Variants in MRC1 observed in about 807,000 individuals in gnomAD.
MRC1 encodes mannose receptor C-type 1, also known as macrophage mannose receptor 1.
Under a neutral mutation model 102.9 loss-of-function variants are expected in MRC1, and 62 were observed. That is an observed-to-expected ratio of 0.60 (90% CI 0.49 to 0.74). The LOEUF (loss-of-function observed/expected upper bound fraction) is 0.74. Ranked by LOEUF, MRC1 falls within the 30% of genes least tolerant of loss-of-function variation. The pLI is 0.00. For missense variants in MRC1, 1,237 were observed against 862.8 expected (o/e 1.43, Z -5.43); for synonymous variants, 457 against 298.4 (o/e 1.53, Z -5.48).
At chr10:17,887,910 C>T (rs1485552010) in intron 22 of MRC1, among the ~76,000 whole-genome samples, 5 of 152,188 alleles carry the variant, frequency 3.3e-5, no homozygotes, top group Admixed American at 1.3e-4. Flanking sequence ...TCACGTGATT[C>T]TCCTGCCCCA....
chr10:17,904,206 C>G (rs1327439819), intron 26 of MRC1, among the ~76,000 whole-genome samples: 1 of 151,874 alleles, frequency 6.6e-6, no homozygotes, highest in Non-Finnish European at 1.5e-5. Flanking sequence ...TTATATTTAC[C>G]CTTGTAGTTT....
intron 26 of MRC1, among the ~76,000 whole-genome samples, chr10:17,903,942 C>T (rs1223490609): frequency 3.3e-5 from 5 of 150,808 alleles, no homozygotes; most frequent in South Asian, 2.1e-4. Context: ...GGCAACAGAG[C>T]GAGACTTCAT....
At chr10:17,820,193 G>T (rs1589163996) in intron 1 of MRC1, among the ~76,000 whole-genome samples, 1 of 152,074 alleles carries the variant, frequency 6.6e-6, no homozygotes, top group East Asian at 1.9e-4. Context: ...AAATATCTGG[G>T]TGCCAAGACC....
chr10:17,910,192 A>G (rs974911881), intron 29 of MRC1, 23 bp from the exon 30 acceptor site: 23 of 780,446 alleles, frequency 2.9e-5, no homozygotes, highest in Non-Finnish European at 5.0e-5. Context: ...CACGTTTTCC[A>G]TAATGATTTT....
chr10:17,868,124 A>G (rs1002969712), intron 12 of MRC1, among the ~76,000 whole-genome samples: 2 of 152,140 alleles, frequency 1.3e-5, no homozygotes, highest in Non-Finnish European at 2.9e-5. Flanking sequence ...GGTCTTTTAC[A>G]CTCTCTCTTT....
intron 1 of MRC1, among the ~76,000 whole-genome samples, chr10:17,817,605 A>G (rs1197418318): frequency 1.3e-5 from 2 of 152,206 alleles, no homozygotes. Flanking sequence ...AGATCAAGTT[A>G]GGATGGAAGG....
At chr10:17,875,497 T>G (rs2130683123) in intron 17 of MRC1, among the ~76,000 whole-genome samples, 1 of 152,352 alleles carries the variant, frequency 6.6e-6, no homozygotes, top group East Asian at 1.9e-4. Flanking sequence ...CTTCCACTTA[T>G]GAGTGAGAAC....
At chr10:17,839,174 A>T (rs1429376786) in intron 4 of MRC1, among the ~76,000 whole-genome samples, 1 of 152,212 alleles carries the variant, frequency 6.6e-6, no homozygotes, top group Non-Finnish European at 1.5e-5. Context: ...AGACAAGTTT[A>T]TAAGTACTTA....
intron 2 of MRC1, among the ~76,000 whole-genome samples, chr10:17,825,213 T>A (rs965092306): frequency 6.6e-6 from 1 of 152,106 alleles, no homozygotes; most frequent in African/African-American, 2.4e-5. Flanking sequence ...GTATCTCTGA[T>A]GAGAACATGG....
At chr10:17,903,388 T>TTTTTC in intron 26 of MRC1, among the ~76,000 whole-genome samples, 1 of 142,086 alleles carries the variant, frequency 7.0e-6, no homozygotes, top group South Asian at 2.2e-4. Flanking sequence ...TTTTCTTTTT[T>TTTTTC]TTTCTTTTTT....
At position 17,810,256 on chromosome 10, in the gene MRC1, A is replaced by T. The variant is rs1464705259; in HGVS notation, c.61+730A>T. 1.9e-4 allele frequency among the ~76,000 whole-genome samples: 29 copies of T among 152,288 alleles called. No homozygotes were observed. The East Asian group carries it at 3.9e-3, about 20-fold the overall frequency. ...TATACTCAGTTGCTTAAACTTCAGG[A>T]TGGGAGTGCCTCGGGGGATTTTCAT... On this transcript the variant is annotated intron_variant, in intron 1 of 29. Coordinates refer to ENST00000569591, the MANE Select transcript of MRC1 (RefSeq NM_002438.4).
chr10:17,890,289 G>GTTTAGATGTTGTATCTTAGTA (rs1833654556), intron 22 of MRC1, among the ~76,000 whole-genome samples: 1 of 152,018 alleles, frequency 6.6e-6, no homozygotes, highest in African/African-American at 2.4e-5. Context: ...AGTGTGATGT[G>GTTTAGATGTTGTATCTTAGTA]TTTAGATGTT....
chr10:17,836,708 C>T (rs1838669282), intron 4 of MRC1, among the ~76,000 whole-genome samples: 1 of 151,936 alleles, frequency 6.6e-6, no homozygotes, highest in Non-Finnish European at 1.5e-5. Context: ...CGGTGGCAGG[C>T]TCCTGTATTC....
intron 21 of MRC1, among the ~76,000 whole-genome samples, chr10:17,883,532 T>A (rs1204202000): frequency 1.3e-5 from 2 of 152,120 alleles, no homozygotes; most frequent in African/African-American, 2.4e-5. Context: ...GGTAGCTGCC[T>A]CTTCTACTCT....
At chr10:17,834,142 G>A (rs1442641924) in intron 4 of MRC1, among the ~76,000 whole-genome samples, 2 of 152,150 alleles carry the variant, frequency 1.3e-5, no homozygotes, top group South Asian at 2.1e-4. Flanking sequence ...GTTCTTGGAC[G>A]CAAGGCAGTG....
At chr10:17,906,799 G>A (rs1332469567) in intron 26 of MRC1, 87 bp from the exon 27 acceptor site, 1 of 777,020 alleles carries the variant, frequency 1.3e-6, no homozygotes, top group African/African-American at 1.7e-5. Context: ...GCTGATTTTT[G>A]TTGCTCTCAA....
chr10:17,870,289 C>T lies in MRC1; in HGVS notation c.2027C>T (p.Ser676Phe). Residue 676 changes from serine to phenylalanine, a missense_variant, in exon 13 of 30, where the codon TCT (serine) becomes TTT (phenylalanine). Ser to Phe is a radical substitution (Grantham distance 155). Transcript: ENST00000569591. ...GKHEKKTWFESRDFCRALGGD... is the reference protein window; with the variant it reads ...GKHEKKTWFEFRDFCRALGGD... ...CATGAGAAGAAAACGTGGTTTGAAT[C>T]TCGAGATTTTTGTCGAGCTCTGGGT... 1 of 780,500 alleles carries T rather than the reference C, an allele frequency of 1.3e-6. No homozygotes were observed. The highest frequency in any genetic ancestry group is 2.4e-6 in the Non-Finnish European group (1 of 417,740). The allele number at this position is 780,500 out of a possible 1,614,324, so 48.3% of individuals were successfully genotyped here. A position where few individuals can be genotyped will look rare whatever the true frequency, so the allele number is the denominator to read the frequency against.
At chr10:17,822,065 C>T (rs1426660384) in intron 1 of MRC1, among the ~76,000 whole-genome samples, 3 of 152,066 alleles carry the variant, frequency 2.0e-5, no homozygotes, top group African/African-American at 7.2e-5. Flanking sequence ...AAATGCTTAC[C>T]AGATCCTTTT....
At chr10:17,851,518 G>T (rs1426349095) in intron 7 of MRC1, among the ~76,000 whole-genome samples, 1 of 152,084 alleles carries the variant, frequency 6.6e-6, no homozygotes, top group Non-Finnish European at 1.5e-5. Flanking sequence ...ATAAAAATCA[G>T]CATGACAACT....
Sources: gnomAD v4.1 joint callset for allele counts (sites outside exome capture counted in the v4.1 genomes callset) on GRCh38, gnomAD v4.1.1 for gene constraint, MANE v1.5 for transcripts, NCBI Gene and HGNC (gene_info 2026-07-23, HGNC 2026-07-21) for gene names.